ERG: variants seen among roughly 807,000 people sequenced by gnomAD.
The protein encoded by ERG is ETS transcription factor ERG.
Under a neutral mutation model 55.3 loss-of-function variants are expected in ERG, and 9 were observed. The observed-to-expected ratio is 0.16, with a 90% CI of 0.10 to 0.28. ERG has a LOEUF of 0.28. Ranked by LOEUF, ERG falls within the 10% of genes least tolerant of loss-of-function variation. ERG has a pLI of 1.00. For missense variants in ERG, 434 were observed against 631.6 expected (o/e 0.69, Z 3.35); for synonymous variants, 223 against 237.3 (o/e 0.94, Z 0.55).
intron 2 of ERG, among the ~76,000 whole-genome samples, chr21:38,515,965 T>C (rs929919853): frequency 1.3e-5 from 2 of 151,958 alleles, no homozygotes; most frequent in African/African-American, 4.8e-5. Context: ...ACAAACTAGG[T>C]ACAGAAGAAA....
chr21:38,521,094 A>G (rs2059590826), intron 2 of ERG, among the ~76,000 whole-genome samples: 1 of 152,188 alleles, frequency 6.6e-6, no homozygotes, highest in Non-Finnish European at 1.5e-5. Flanking sequence ...GAAGCCCAGC[A>G]GGGACAGAAG....
chr21:38,562,721 A>G (rs1204839910), intron 2 of ERG, among the ~76,000 whole-genome samples: 1 of 152,178 alleles, frequency 6.6e-6, no homozygotes, highest in African/African-American at 2.4e-5. Flanking sequence ...GTGCAAAGAA[A>G]AATTCACTTT....
At chr21:38,634,610 A>G (rs142296654) in intron 1 of ERG, among the ~76,000 whole-genome samples, 91 of 152,342 alleles carry the variant, frequency 6.0e-4, no homozygotes, top group African/African-American at 2.1e-3. Flanking sequence ...TGACTTCAGG[A>G]CAGAATGCTA....
At chr21:38,618,541 T>G (rs1046309574) in intron 1 of ERG, among the ~76,000 whole-genome samples, 1 of 152,146 alleles carries the variant, frequency 6.6e-6, no homozygotes. Context: ...GCTCTCTCAT[T>G]TGGCGGGGAG....
At chr21:38,495,581 C>T (rs2146686393) in intron 1 of ERG, among the ~76,000 whole-genome samples, 1 of 152,330 alleles carries the variant, frequency 6.6e-6, no homozygotes. Flanking sequence ...AGGATCAGAA[C>T]TTGCAACCTG....
At chr21:38,559,337 A>ACTT (rs2059877918) in intron 2 of ERG, among the ~76,000 whole-genome samples, 2 of 148,856 alleles carry the variant, frequency 1.3e-5, no homozygotes, top group Non-Finnish European at 3.0e-5. Flanking sequence ...GCAGCAATGG[A>ACTT]CTTGGTAAAA....
intron 1 of ERG, among the ~76,000 whole-genome samples, chr21:38,658,588 G>GA (rs886223769): frequency 8.6e-5 from 13 of 150,892 alleles, no homozygotes; most frequent in South Asian, 2.1e-4. Context: ...ATTACTTTTA[G>GA]AAAAAAAAAG....
rs573464525 is a variant in ERG at position 38,657,225 on chromosome 21, A to T, written c.-150+4433T>A. On this transcript the variant is annotated intron_variant, in intron 1 of 10. Transcript: ENST00000398910. ...ATTCTGAATAGGACAGAGTCACATA[A>T]TGAAACTTCCTTTGCACATTCTCCT... is the stretch of plus-strand genomic sequence containing the variant. Among the ~76,000 whole-genome samples the T allele has an allele frequency of 9.2e-5, 14 of 152,326 alleles. 1 individual carries two copies. In the East Asian group the frequency reaches 2.7e-3, roughly 29 times the overall value.
At chr21:38,652,125 C>T (rs747896402) in intron 1 of ERG, among the ~76,000 whole-genome samples, 9 of 152,290 alleles carry the variant, frequency 5.9e-5, no homozygotes, top group African/African-American at 2.2e-4. Flanking sequence ...CTGATCCCTC[C>T]AACACTCCAG....
chr21:38,434,745 T>A (rs1371769721), intron 2 of ERG, among the ~76,000 whole-genome samples: 2 of 152,176 alleles, frequency 1.3e-5, no homozygotes, highest in African/African-American at 4.8e-5. Flanking sequence ...TGTGAGGACA[T>A]CCCTGAGATG....
At chr21:38,464,641 G>A (rs1414730676) in intron 1 of ERG, among the ~76,000 whole-genome samples, 1 of 151,724 alleles carries the variant, frequency 6.6e-6, no homozygotes, top group African/African-American at 2.4e-5. Context: ...AGTTATATAC[G>A]TGCCATGGTA....
upstream of ERG, among the ~76,000 whole-genome samples, chr21:38,501,090 C>A (rs571414961): frequency 2.0e-5 from 2 of 100,892 alleles, no homozygotes; most frequent in African/African-American, 8.0e-5. Flanking sequence ...TTTTTTGGGA[C>A]GGAATCTTGC....
At chr21:38,601,416 T>A (rs1171288452) in intron 1 of ERG, among the ~76,000 whole-genome samples, 1 of 151,702 alleles carries the variant, frequency 6.6e-6, no homozygotes, top group Non-Finnish European at 1.5e-5. Flanking sequence ...GTCATAGACA[T>A]GCTCACTAAG....
At chr21:38,378,335 C>A (rs547842632), downstream of ERG, among the ~76,000 whole-genome samples, 10 of 152,324 alleles carry the variant, frequency 6.6e-5, no homozygotes, top group African/African-American at 1.9e-4. Flanking sequence ...AATAAGCACA[C>A]CTCATATCCA....
At chr21:38,443,282 T>C (rs2058858730) in intron 2 of ERG, among the ~76,000 whole-genome samples, 1 of 152,348 alleles carries the variant, frequency 6.6e-6, no homozygotes, top group East Asian at 1.9e-4. Context: ...ACTCTGCCTG[T>C]TGTCCATCGG....
At chr21:38,437,942 A>G (rs751687342) in intron 2 of ERG, among the ~76,000 whole-genome samples, 16 of 152,180 alleles carry the variant, frequency 1.1e-4, no homozygotes, top group Non-Finnish European at 2.1e-4. Context: ...CAAGTCCCCT[A>G]ATGATTTCTG....
chr21:38,450,663 C>T (rs75998109), intron 1 of ERG, among the ~76,000 whole-genome samples: 8,722 of 152,254 alleles, frequency 0.057, 338 homozygotes, highest in Middle Eastern at 0.12. Context: ...AACCAGGTTA[C>T]CTTAAGCACT....
intron 1 of ERG, among the ~76,000 whole-genome samples, chr21:38,624,094 G>A (rs2060310067): frequency 2.0e-5 from 3 of 152,102 alleles, no homozygotes; most frequent in South Asian, 2.1e-4. Flanking sequence ...ACCTCCTCGT[G>A]AGCCTAACCA....
chr21:38,542,726 T>C (rs897445237), intron 2 of ERG, among the ~76,000 whole-genome samples: 4 of 152,174 alleles, frequency 2.6e-5, no homozygotes, highest in African/African-American at 9.7e-5. Flanking sequence ...TGAGGACCAA[T>C]GGGGTGATAA....
Sources: gnomAD v4.1 joint callset for allele counts (sites outside exome capture counted in the v4.1 genomes callset) on GRCh38, gnomAD v4.1.1 for gene constraint, MANE v1.5 for transcripts, NCBI Gene and HGNC (gene_info 2026-07-23, HGNC 2026-07-21) for gene names.